Variants in ATR observed in about 807,000 individuals in gnomAD.
ATR encodes the protein serine/threonine-protein kinase ATR.
Under a neutral mutation model 305.3 loss-of-function variants are expected in ATR, and 142 were observed. The observed-to-expected ratio is 0.47, with a 90% CI of 0.41 to 0.53. The LOEUF (loss-of-function observed/expected upper bound fraction) is 0.53. Ranked by LOEUF, ATR falls within the 20% of genes least tolerant of loss-of-function variation. The pLI, the probability that ATR is intolerant of heterozygous loss-of-function variation, is 0.00. For missense variants in ATR, 2,135 were observed against 3,133.1 expected (o/e 0.68, Z 7.60); for synonymous variants, 1,050 against 1,068.1 (o/e 0.98, Z 0.33).
intron 15 of ATR, among the ~76,000 whole-genome samples, 185 bp from the exon 16 acceptor site, chr3:142,548,095 T>C (rs548291258): frequency 1.1e-4 from 17 of 152,316 alleles, no homozygotes; most frequent in Admixed American, 7.2e-4. Flanking sequence ...AGGTCTCCCA[T>C]GGATTATATG....
intron 28 of ATR, 90 bp from the exon 29 acceptor site, chr3:142,505,393 C>G (rs757219961): frequency 2.0e-6 from 3 of 1,493,394 alleles, no homozygotes; most frequent in African/African-American, 2.8e-5. Context: ...ATTGAAACAG[C>G]AATTTTTTGA....
intron 36 of ATR, among the ~76,000 whole-genome samples, chr3:142,477,458 G>A (rs2029952565): frequency 6.6e-6 from 1 of 152,176 alleles, no homozygotes; most frequent in Non-Finnish European, 1.5e-5. Flanking sequence ...CATCATGGTG[G>A]ATAAGCTTTT....
intron 6 of ATR, among the ~76,000 whole-genome samples, chr3:142,560,029 T>G (rs1208300723): frequency 6.6e-6 from 1 of 152,218 alleles, no homozygotes; most frequent in Non-Finnish European, 1.5e-5. Flanking sequence ...GTTTCTAATT[T>G]TTAAAATAGG....
chr3:142,478,992 T>C (rs2030187801), intron 36 of ATR, among the ~76,000 whole-genome samples: 1 of 152,224 alleles, frequency 6.6e-6, no homozygotes, highest in Admixed American at 6.5e-5. Flanking sequence ...TCTCTGCACG[T>C]GAGATGGGTC....
At chr3:142,480,652 T>C (rs2030366173) in intron 36 of ATR, among the ~76,000 whole-genome samples, 1 of 152,222 alleles carries the variant, frequency 6.6e-6, no homozygotes, top group African/African-American at 2.4e-5. Flanking sequence ...AGGTTTCTGC[T>C]GCCTTTTGTT....
At chr3:142,464,291 A>G (rs991074256) in intron 41 of ATR, among the ~76,000 whole-genome samples, 2 of 151,952 alleles carry the variant, frequency 1.3e-5, no homozygotes, top group African/African-American at 4.8e-5. Context: ...ATGCCTGGCT[A>G]ATTTTTTTTA....
At position 142,560,145 on chromosome 3, in the gene ATR, C is replaced by CT. The variant is rs2034823763; in HGVS notation, c.1541+117dup. 3 of 950,588 alleles carry CT rather than the reference C, an allele frequency of 3.2e-6. No homozygotes were observed. In the African/African-American group the frequency reaches 4.9e-5, roughly 16 times the overall value. The allele number at this position is 950,588 out of a possible 1,614,324, so 58.9% of individuals were successfully genotyped here. On this transcript the variant is annotated intron_variant, in intron 6 of 46. Transcript: ENST00000350721. The stretch of plus-strand genomic sequence containing the variant: ...ACTCAATAGAAAATAAATTTATTAA[C>CT]TACTTCAGTGAAAAGTTTGTGTTCT...
rs559981380 is a variant in ATR at position 142,477,043 on chromosome 3, G to T, written c.6222-6860C>A. Among the ~76,000 whole-genome samples the T allele has an allele frequency of 1.5e-3, 225 of 152,276 alleles. 1 individual carries two copies. Among genetic ancestry groups the T allele is most frequent in the African/African-American group, 5.3e-3 (220 of 41,546 alleles). On this transcript the variant is annotated intron_variant, in intron 36 of 46. Coordinates refer to ENST00000350721, the MANE Select transcript of ATR (RefSeq NM_001184.4). ...TATACAATCATGTCGTCTGCAAACA[G>T]GGACAATTTGACTTCCTCTTTTCCT...
intron 26 of ATR, 63 bp from the exon 27 acceptor site, chr3:142,512,533 A>C: frequency 7.5e-7 from 1 of 1,330,424 alleles, no homozygotes; most frequent in Non-Finnish European, 1.0e-6. Context: ...ATTATATGAC[A>C]TCTAAAGCTA....
At chr3:142,513,389 T>TAGCCA (rs1193252544) in intron 26 of ATR, 112 bp downstream of exon 26, 2 of 1,244,964 alleles carry the variant, frequency 1.6e-6, no homozygotes, top group Non-Finnish European at 2.3e-6. Flanking sequence ...TGAACATACA[T>TAGCCA]AGCCATACAT....
intron 40 of ATR, chr3:142,465,684 A>G (rs1442252712): frequency 6.2e-6 from 1 of 160,802 alleles, no homozygotes; most frequent in Admixed American, 6.1e-5. Context: ...AAGTGAGTAA[A>G]TAAGATGAAT....
chr3:142,494,324 T>C (rs1416796520), intron 34 of ATR, among the ~76,000 whole-genome samples: 1 of 152,106 alleles, frequency 6.6e-6, no homozygotes, highest in Non-Finnish European at 1.5e-5. Flanking sequence ...TAATCAAAGT[T>C]CAGGGAATTG....
intron 14 of ATR, among the ~76,000 whole-genome samples, 198 bp downstream of exon 14, chr3:142,549,934 T>C (rs963009380): frequency 6.6e-6 from 1 of 152,332 alleles, no homozygotes; most frequent in South Asian, 2.1e-4. Context: ...AGGGCTCAAA[T>C]AGCTAACTGA....
intron 16 of ATR, among the ~76,000 whole-genome samples, chr3:142,544,375 G>A (rs111416045): frequency 5.4e-4 from 78 of 145,292 alleles, no homozygotes; most frequent in African/African-American, 1.7e-3. Flanking sequence ...TTGCTTAAGC[G>A]CTGGAGGCAG....
intron 25 of ATR, among the ~76,000 whole-genome samples, chr3:142,514,367 C>T (rs2032754652): frequency 6.6e-6 from 1 of 151,950 alleles, no homozygotes. Flanking sequence ...CGGTGGCTCA[C>T]GCCTGTAATA....
chr3:142,575,843 G>A (rs2035419860), intron 1 of ATR, among the ~76,000 whole-genome samples: 1 of 152,222 alleles, frequency 6.6e-6, no homozygotes, highest in African/African-American at 2.4e-5. Flanking sequence ...GCAAAAGAGG[G>A]ATAAAAGGTG....
chr3:142,552,669 C>CAAAAAA (rs143475912), intron 13 of ATR, among the ~76,000 whole-genome samples: 3 of 93,296 alleles, frequency 3.2e-5, no homozygotes, highest in Non-Finnish European at 2.1e-5. Context: ...TACTCCATCT[C>CAAAAAA]AAAAAAAAAA....
chr3:142,553,612 G>A (rs2108464154), intron 12 of ATR, 28 bp downstream of exon 12: 2 of 1,564,486 alleles, frequency 1.3e-6, no homozygotes, highest in Non-Finnish European at 1.8e-6. Context: ...AAATAAATAA[G>A]GAAGAACACA....
Position 142,468,196 on chromosome 3 carries a change from A to C in ATR, c.6553-128T>G, listed in dbSNP as rs547915970. ...GAGTTTATATGATACAAATTTTCTG[A>C]AAATTTATTTGGCAATGCTATCAAG... On this transcript the variant is annotated intron_variant, in intron 38 of 46. Transcript: ENST00000350721. 36 of 1,177,616 alleles carry C rather than the reference A, an allele frequency of 3.1e-5. No homozygotes were observed. The Admixed American group carries it at 3.5e-4, about 12-fold the overall frequency. 72.9% of individuals were successfully genotyped at this position (1,177,616 alleles called of 1,614,324 possible). A position where few individuals can be genotyped will look rare whatever the true frequency, so the allele number is the denominator to read the frequency against.
Sources: allele counts gnomAD v4.1 joint callset (sites outside exome capture counted in the v4.1 genomes callset), GRCh38; gene constraint gnomAD v4.1.1; transcripts MANE v1.5; gene names NCBI Gene and HGNC (gene_info 2026-07-23, HGNC 2026-07-21).